Variants in C1QTNF9 observed in about 807,000 individuals in gnomAD.
The protein encoded by C1QTNF9 is C1q and TNF related 9.
In C1QTNF9, 6 loss-of-function variants were observed where a neutral mutation model predicts 10.1. The ratio of observed to expected loss-of-function variants is 0.59; its 90% CI spans 0.32 to 1.17. The LOEUF (loss-of-function observed/expected upper bound fraction) is 1.17, where lower values mean the gene tolerates loss of function less well. Ranked by LOEUF, C1QTNF9 falls within the 50% of genes most tolerant of loss-of-function variation. The pLI, the probability that C1QTNF9 is intolerant of heterozygous loss-of-function variation, is 0.04. For missense variants in C1QTNF9, 201 were observed against 418.8 expected, an observed-to-expected ratio of 0.48 and a Z score of 4.54; for synonymous variants, 98 against 163.5, an observed-to-expected ratio of 0.60 and a Z score of 3.06.
At chr13:24,311,970 T>C (rs1877839664) in intron 1 of C1QTNF9, among the ~76,000 whole-genome samples, 1 of 152,158 alleles carries the variant, frequency 6.6e-6, no homozygotes, top group Non-Finnish European at 1.5e-5. Flanking sequence ...CCATGGCCCG[T>C]AATCTAGCTC....
chr13:24,320,871 T>C, intron 3 of C1QTNF9, 125 bp from the exon 4 acceptor site: 1 of 895,500 alleles, frequency 1.1e-6, no homozygotes, highest in African/African-American at 1.6e-5. Context: ...AATTTTAAAC[T>C]CTGGGCATAT....
chr13:24,309,113 T>C (rs1266761759), upstream of C1QTNF9, among the ~76,000 whole-genome samples: 1 of 151,774 alleles, frequency 6.6e-6, no homozygotes. Context: ...GCCTTCAGTT[T>C]TGTCCTGTTG....
exon 4 of C1QTNF9, chr13:24,321,752 T>C: frequency 6.3e-7 from 1 of 1,580,772 alleles, no homozygotes; most frequent in Non-Finnish European, 8.6e-7. Flanking sequence ...GGGTTCCTTC[T>C]GTTCAGCAGC....
rs145888835 is a variant in C1QTNF9, at chr13:24,321,652, A to C, written c.886A>C (p.Lys296Gln). 32 of 1,614,092 alleles carry C rather than the reference A, an allele frequency of 2.0e-5. No individual in the cohort carries two copies. In the African/African-American group the frequency reaches 4.1e-4, roughly 21 times the overall value. ...CTCTGGCGGCATTGTCCTGCAGCTG[A>C]AGCTCGGGGATGAGGTGTGGCTGCA... The change falls in exon 4 of 4, where the codon AAG (lysine) becomes CAG (glutamine). Residue 296 changes from lysine (K) to glutamine (Q), a missense_variant. Lys to Gln is a moderately conservative substitution (Grantham distance 53). Around this residue, in one of 3 missense-constraint regions of C1QTNF9, gnomAD observed 86 missense variants for 87.0 expected, o/e 0.99. Coordinates refer to ENST00000332018, the Ensembl canonical transcript of C1QTNF9.
intron 3 of C1QTNF9, among the ~76,000 whole-genome samples, chr13:24,320,743 G>T (rs1391768065): frequency 2.0e-5 from 3 of 151,240 alleles, no homozygotes; most frequent in Non-Finnish European, 4.4e-5. Context: ...TAGAGTCAGG[G>T]TATTGCTATG....
chr13:24,320,245 G>A lies in C1QTNF9; in HGVS notation c.230-751G>A, dbSNP rs543990586. ...ATGGATTGACATTATTTAATGGCCA[G>A]CATGGTAGACTTAGATGGTAGGGTT... On this transcript the variant is annotated intron_variant, in intron 3 of 3. Coordinates refer to ENST00000332018, the Ensembl canonical transcript of C1QTNF9. Among the ~76,000 whole-genome samples, 3 of 152,264 alleles carry A rather than the reference G, an allele frequency of 2.0e-5. No homozygotes were observed. The South Asian group carries it at 6.2e-4, about 32-fold the overall frequency.
chr13:24,319,991 C>G (rs143083771), intron 3 of C1QTNF9, among the ~76,000 whole-genome samples: 1,581 of 152,186 alleles, frequency 0.01, 21 homozygotes, highest in African/African-American at 0.026. Flanking sequence ...CACTTGCAAC[C>G]ACGGCTCTTT....
intron 1 of C1QTNF9, among the ~76,000 whole-genome samples, chr13:24,311,430 C>A (rs549260221): frequency 6.6e-6 from 1 of 152,216 alleles, no homozygotes. Context: ...CTGGCTCATG[C>A]GGTCACAGCA....
chr13:24,310,302 T>C (rs1237239269), intron 1 of C1QTNF9, among the ~76,000 whole-genome samples: 1 of 146,428 alleles, frequency 6.8e-6, no homozygotes, highest in Non-Finnish European at 1.5e-5. Context: ...TACAGGAGCC[T>C]GCCACCGCGC....
rs1032643856 is a variant in C1QTNF9 at position 24,316,285 on chromosome 13, A to C, written c.166+116A>C. ...CCACTCACACCCCATCCATCCATACATACATCAACCCAGCAACACTCACTG... is the reference window on the plus strand; with the variant it reads ...CCACTCACACCCCATCCATCCATACCTACATCAACCCAGCAACACTCACTG... On this transcript the variant is annotated intron_variant, in intron 2 of 3. Coordinates refer to ENST00000332018, the Ensembl canonical transcript of C1QTNF9. 1.4e-5 allele frequency: 21 copies of C among 1,454,596 alleles called. No homozygotes were observed. The Middle Eastern group carries it at 1.1e-3, about 78-fold the overall frequency. 90.1% of individuals were successfully genotyped at this position (1,454,596 alleles called of 1,614,324 possible). A position where few individuals can be genotyped will look rare whatever the true frequency, so the allele number is the denominator to read the frequency against.
chr13:24,308,600 C>T (rs1011730403), upstream of C1QTNF9, among the ~76,000 whole-genome samples: 78 of 152,232 alleles, frequency 5.1e-4, no homozygotes, highest in African/African-American at 1.8e-3. Flanking sequence ...GTCGGCGCCG[C>T]CGAGCTGGGG....
chr13:24,309,035 T>C, upstream of C1QTNF9, among the ~76,000 whole-genome samples: 1 of 151,778 alleles, frequency 6.6e-6, no homozygotes, highest in Non-Finnish European at 1.5e-5. Flanking sequence ...CATCTGAAAA[T>C]CTAATTAAGC....
intron 2 of C1QTNF9, among the ~76,000 whole-genome samples, chr13:24,317,844 TGGAGG>T (rs1281873732): frequency 2.8e-4 from 24 of 85,998 alleles, no homozygotes; most frequent in Middle Eastern, 9.9e-3. Flanking sequence ...GAGCAGCCAG[TGGAGG>T]GGAGGGGAGG....
intron 1 of C1QTNF9, among the ~76,000 whole-genome samples, chr13:24,314,077 A>G (rs1461656741): frequency 1.2e-4 from 18 of 152,318 alleles, no homozygotes; most frequent in Admixed American, 3.9e-4. Context: ...CAGTTTTGGA[A>G]CATTAGGAAG....
rs957406279 is a variant in C1QTNF9 at position 24,321,668 on chromosome 13, T to C, written c.902T>C (p.Val301Ala). 10 of 1,613,964 alleles carry C rather than the reference T, an allele frequency of 6.2e-6. No homozygotes were observed. In the African/African-American group the frequency reaches 1.1e-4, roughly 17 times the overall value. ...CTGCAGCTGAAGCTCGGGGATGAGG[T>C]GTGGCTGCAGGTGACAGGAGGAGAG... Residue 301 changes from valine to alanine, a missense_variant, in exon 4 of 4, where the codon GTG (valine) becomes GCG (alanine). Physicochemically the swap from Val to Ala is moderately conservative, Grantham distance 64 (BLOSUM62 0). Coordinates refer to ENST00000332018, the Ensembl canonical transcript of C1QTNF9.
chr13:24,312,016 T>G (rs7331082), intron 1 of C1QTNF9, among the ~76,000 whole-genome samples: 124,094 of 152,118 alleles, frequency 0.82, 51,437 homozygotes, highest in East Asian at 1. Flanking sequence ...GGCTAGGGAG[T>G]GCAGTCTATC....
At chr13:24,310,163 A>AT (rs1274787109) in intron 1 of C1QTNF9, among the ~76,000 whole-genome samples, 1 of 148,914 alleles carries the variant, frequency 6.7e-6, no homozygotes, top group African/African-American at 2.5e-5. Flanking sequence ...AAGTGCTGGG[A>AT]TTTTTTTTGA....
At chr13:24,310,998 G>A (rs1390818084) in intron 1 of C1QTNF9, among the ~76,000 whole-genome samples, 1 of 151,544 alleles carries the variant, frequency 6.6e-6, no homozygotes, top group Non-Finnish European at 1.5e-5. Flanking sequence ...TATATTCGAT[G>A]AAGGCAGCCT....
chr13:24,307,667 G>A (rs1174945150), upstream of C1QTNF9, among the ~76,000 whole-genome samples: 1 of 152,252 alleles, frequency 6.6e-6, no homozygotes, highest in African/African-American at 2.4e-5. Flanking sequence ...GCGGTCGCTA[G>A]GGTGGGGAGG....
Sources: gnomAD v4.1 joint callset for allele counts (sites outside exome capture counted in the v4.1 genomes callset) on GRCh38, gnomAD v4.1.1 for gene constraint, gnomAD v4.1.1 regional missense constraint, MANE v1.5 for transcripts, NCBI Gene and HGNC (gene_info 2026-07-23, HGNC 2026-07-21) for gene names.